The following CRACD variants were observed in gnomAD, a reference collection of about 807,000 sequenced individuals.
CRACD encodes capping protein-inhibiting regulator of actin dynamics.
A neutral mutation model predicts 106.8 loss-of-function variants in CRACD; 56 were observed. The observed-to-expected ratio is 0.52, with a 90% CI of 0.42 to 0.66. CRACD has a LOEUF of 0.66. Among genes scored for constraint, CRACD ranks in the 30% least tolerant of loss-of-function variants. The pLI is 0.00. For synonymous variants in CRACD, 754 were observed against 670.8 expected, an observed-to-expected ratio of 1.12 and a Z score of -1.92; for missense variants, 1,730 against 1,623.2, an observed-to-expected ratio of 1.07 and a Z score of -1.13.
intron 1 of CRACD, among the ~76,000 whole-genome samples, chr4:56,077,856 A>G (rs1732895766): frequency 6.6e-6 from 1 of 152,202 alleles, no homozygotes; most frequent in African/African-American, 2.4e-5. Context: ...TTATGAACAG[A>G]CTGCTGTGAG....
chr4:56,288,390 C>T (rs190007570), intron 3 of CRACD: 37 of 226,476 alleles, frequency 1.6e-4, no homozygotes, highest in African/African-American at 6.8e-4. Context: ...TCTTGCCCCC[C>T]GCTCCCTCCC....
chr4:56,206,198 C>T (rs1042779483), intron 2 of CRACD, among the ~76,000 whole-genome samples: 1 of 152,154 alleles, frequency 6.6e-6, no homozygotes, highest in Non-Finnish European at 1.5e-5. Flanking sequence ...AGAGCAGAGA[C>T]TGAAAATAAC....
chr4:56,202,251 A>G (rs769465046), intron 2 of CRACD, among the ~76,000 whole-genome samples: 2 of 152,222 alleles, frequency 1.3e-5, no homozygotes, highest in East Asian at 1.9e-4. Flanking sequence ...TTTTCAAGTG[A>G]CATCCTTTTT....
intron 1 of CRACD, among the ~76,000 whole-genome samples, chr4:56,132,314 A>G (rs1196007664): frequency 1.3e-5 from 2 of 152,034 alleles, no homozygotes; most frequent in Non-Finnish European, 1.5e-5. Flanking sequence ...TGCTGGGATT[A>G]CAGACATGAG....
At chr4:56,205,770 G>A (rs1300404611) in intron 2 of CRACD, among the ~76,000 whole-genome samples, 1 of 152,078 alleles carries the variant, frequency 6.6e-6, no homozygotes, top group East Asian at 1.9e-4. Context: ...GATCTACCAT[G>A]CCTAGCTGAA....
At chr4:56,262,876 A>G (rs1029524633) in intron 2 of CRACD, among the ~76,000 whole-genome samples, 4 of 152,150 alleles carry the variant, frequency 2.6e-5, no homozygotes, top group African/African-American at 7.2e-5. Context: ...GCTGTCACAG[A>G]CCCCATGAGG....
intron 1 of CRACD, among the ~76,000 whole-genome samples, chr4:56,177,953 C>G (rs569527378): frequency 1.3e-5 from 2 of 152,130 alleles, no homozygotes; most frequent in South Asian, 2.1e-4. Flanking sequence ...TTTAAAAAAG[C>G]CAACTTTTTA....
intron 1 of CRACD, among the ~76,000 whole-genome samples, chr4:56,092,669 A>G (rs915645971): frequency 2.0e-5 from 3 of 152,018 alleles, no homozygotes; most frequent in Non-Finnish European, 4.4e-5. Flanking sequence ...GTGTGTGATC[A>G]TACATCGTTG....
At chr4:56,138,599 A>G (rs1735087861) in intron 1 of CRACD, among the ~76,000 whole-genome samples, 1 of 152,212 alleles carries the variant, frequency 6.6e-6, no homozygotes, top group South Asian at 2.1e-4. Context: ...ACAAAAAAAA[A>G]TCACTAACAC....
intron 1 of CRACD, among the ~76,000 whole-genome samples, chr4:56,098,976 G>C (rs2109829002): frequency 6.6e-6 from 1 of 152,304 alleles, no homozygotes; most frequent in East Asian, 1.9e-4. Context: ...ATGGTGCCCA[G>C]CCCGGGATCT....
chr4:56,252,136 G>A (rs893469140), intron 2 of CRACD, among the ~76,000 whole-genome samples: 1 of 152,090 alleles, frequency 6.6e-6, no homozygotes, highest in African/African-American at 2.4e-5. Flanking sequence ...CACTAAATGG[G>A]CTATCACCCA....
intron 3 of CRACD, among the ~76,000 whole-genome samples, chr4:56,278,529 G>A (rs1206527134): frequency 2.0e-5 from 3 of 152,092 alleles, no homozygotes; most frequent in Non-Finnish European, 4.4e-5. Flanking sequence ...AGACCTAAAT[G>A]TAAGAATTAA....
intron 3 of CRACD, among the ~76,000 whole-genome samples, chr4:56,286,394 G>GAA (rs35666161): frequency 9.1e-4 from 129 of 141,278 alleles, no homozygotes; most frequent in Admixed American, 1.6e-3. Flanking sequence ...TTCTGTCTCC[G>GAA]AAAAAAAAAA....
chr4:56,209,697 AG>A (rs1255159000), intron 2 of CRACD, among the ~76,000 whole-genome samples: 1 of 152,162 alleles, frequency 6.6e-6, no homozygotes, highest in African/African-American at 2.4e-5. Context: ...ACTTAAACTT[AG>A]GTTTGGTAAT....
chr4:56,084,907 G>A (rs1165919597), intron 1 of CRACD, among the ~76,000 whole-genome samples: 2 of 152,280 alleles, frequency 1.3e-5, no homozygotes, highest in South Asian at 4.1e-4. Flanking sequence ...TGATCGGATT[G>A]CATATAAAGC....
intron 3 of CRACD, among the ~76,000 whole-genome samples, chr4:56,272,982 T>C (rs1226977222): frequency 6.6e-6 from 1 of 151,764 alleles, no homozygotes; most frequent in African/African-American, 2.4e-5. Context: ...AGAAGTCACC[T>C]TGGGGAGTTA....
intron 1 of CRACD, among the ~76,000 whole-genome samples, chr4:56,078,618 G>T (rs1267245927): frequency 6.6e-6 from 1 of 152,110 alleles, no homozygotes; most frequent in Non-Finnish European, 1.5e-5. Flanking sequence ...GTCTCACTCT[G>T]TTGCCCAGGC....
intron 1 of CRACD, among the ~76,000 whole-genome samples, chr4:56,057,705 A>G (rs1225460034): frequency 6.7e-6 from 1 of 148,436 alleles, no homozygotes; most frequent in Non-Finnish European, 1.5e-5. Flanking sequence ...GCTCACTGCA[A>G]CCTCTGTCCC....
At chr4:56,220,680 G>A (rs968139431) in intron 2 of CRACD, among the ~76,000 whole-genome samples, 27 of 152,016 alleles carry the variant, frequency 1.8e-4, no homozygotes, top group African/African-American at 6.0e-4. Context: ...AAGGGGTTGG[G>A]TTGACCATAA....
Sources: gnomAD v4.1 joint callset for allele counts (sites outside exome capture counted in the v4.1 genomes callset) on GRCh38, gnomAD v4.1.1 for gene constraint, MANE v1.5 for transcripts, NCBI Gene and HGNC (gene_info 2026-07-23, HGNC 2026-07-21) for gene names.